Variants in TMEM223 observed in about 807,000 individuals in gnomAD.
TMEM223 encodes the protein transmembrane protein 223.
TMEM223 carries 14 observed loss-of-function variants against 14.1 expected under a neutral mutation model. The ratio of observed to expected loss-of-function variants is 0.99; its 90% CI spans 0.66 to 1.55. The LOEUF is 1.55. TMEM223 is among the 40% of genes most tolerant of loss of function. The probability of loss-of-function intolerance (pLI) is 0.00; values close to 1 mark genes in which losing one functional copy is unlikely to be tolerated. For synonymous variants in TMEM223, 145 were observed against 120.5 expected (o/e 1.20, Z -1.33); for missense variants, 346 against 269.9 (o/e 1.28, Z -1.97).
chr11:62,781,937 T>A, intron 1 of TMEM223: 1 of 1,614,176 alleles, frequency 6.2e-7, no homozygotes, highest in Non-Finnish European at 8.5e-7. Flanking sequence ...ATTGGGGCAC[T>A]CCTGCCTTAC....
At chr11:62,786,461 T>C, downstream of TMEM223, 2 of 1,594,486 alleles carry the variant, frequency 1.3e-6, no homozygotes, top group Non-Finnish European at 1.7e-6. Context: ...TTTGGAATAT[T>C]TGATGGGCCC....
At chr11:62,783,976 G>A (rs1206129568), downstream of TMEM223, among the ~76,000 whole-genome samples, 5 of 136,938 alleles carry the variant, frequency 3.7e-5, no homozygotes, top group Admixed American at 3.7e-4. Context: ...ATGGAATCTT[G>A]CCAAGATGGC....
At chr11:62,787,480 G>C (rs753977198), downstream of TMEM223, 7 of 1,578,288 alleles carry the variant, frequency 4.4e-6, no homozygotes, top group Non-Finnish European at 6.0e-6. Flanking sequence ...CTTTGCTGCC[G>C]CCTTCCTGTG....
rs2084362921 is a variant in TMEM223, at chr11:62,791,698, G to A, written c.297C>T (p.Ala99=). Residue 99 remains alanine (A), a synonymous_variant, in exon 1 of 2, where the codon GCC becomes GCT. Transcript: ENST00000307366. ...TCTTACCGATGGCGCCGCAGCCGAC[G>A]GCCAGACCGTAGCGCCAGAGCGCGG... The part of the protein sequence containing the change: ...LRSALWRYGL[A]VGCGAIGALV... 2 of 1,543,542 alleles carry A rather than the reference G, an allele frequency of 1.3e-6. No homozygotes were observed. Among genetic ancestry groups the A allele is most frequent in the Non-Finnish European group, 1.7e-6 (2 of 1,144,076 alleles).
At position 62,790,190 on chromosome 11, in the gene TMEM223, C is replaced by T. The variant is rs1399960632; in HGVS notation, c.*433G>A. 1.1e-6 allele frequency: 1 copy of T among 873,136 alleles called. No homozygotes were observed. Among genetic ancestry groups the T allele is most frequent in the South Asian group, 1.9e-5 (1 of 52,316 alleles). The allele number at this position is 873,136 out of a possible 1,614,324, so 54.1% of individuals were successfully genotyped here. On this transcript the variant is annotated 3_prime_UTR_variant, in exon 2 of 2. Coordinates refer to ENST00000307366, the MANE Select transcript of TMEM223 (RefSeq NM_001080501.3). The stretch of plus-strand genomic sequence containing the variant: ...GGGAAACATAATGACAGGCCCCCCT[C>T]CACCTCTTCCTGCAGCTGTTTTTGT...
At chr11:62,787,628 CG>C (rs202016890), downstream of TMEM223, 2,021 of 1,384,444 alleles carry the variant, frequency 1.5e-3, 43 homozygotes, top group Admixed American at 0.051. Flanking sequence ...TGCTCGGAGC[CG>C]GTGGACCTGG....
chr11:62,773,241 G>A lies in TMEM223; in HGVS notation c.386-1109C>T, dbSNP rs545741596. Among the ~76,000 whole-genome samples the A allele has an allele frequency of 5.9e-5, 9 of 151,726 alleles. No individual in the cohort carries two copies. The East Asian group carries it at 1.7e-3, about 29-fold the overall frequency. ...TGGCTCACTACAACCTCCACCTCCC[G>A]GGTTCAAGCAATTCTCCTGCCTCAG... On this transcript the variant is annotated intron_variant, in intron 2 of 2. Coordinates refer to the TMEM223 transcript ENST00000528367.
At chr11:62,782,674 C>T, downstream of TMEM223, 1 of 1,609,996 alleles carries the variant, frequency 6.2e-7, no homozygotes, top group East Asian at 2.2e-5. Flanking sequence ...CCCTCCCTAA[C>T]TGAATGGTGC....
chr11:62,791,703 G>A lies in TMEM223; in HGVS notation c.292C>T (p.Leu98=), dbSNP rs1426443523. ...CCGATGGCGCCGCAGCCGACGGCCAGACCGTAGCGCCAGAGCGCGGAGCGC... is the reference window on the plus strand; with the variant it reads ...CCGATGGCGCCGCAGCCGACGGCCAAACCGTAGCGCCAGAGCGCGGAGCGC... ...DLRSALWRYG[L]AVGCGAIGAL... Residue 98 remains leucine, a synonymous_variant, in exon 1 of 2, where the codon CTG becomes TTG. Coordinates refer to ENST00000307366, the MANE Select transcript of TMEM223 (RefSeq NM_001080501.3). 6.5e-7 allele frequency: 1 copy of A among 1,546,906 alleles called. No individual in the cohort carries two copies.
intron 1 of TMEM223, chr11:62,778,046 T>A: frequency 6.2e-7 from 1 of 1,614,110 alleles, no homozygotes; most frequent in South Asian, 1.1e-5. Flanking sequence ...AACTCTACTT[T>A]CCTGAGGATC....
At chr11:62,782,769 C>T (rs1436716348), downstream of TMEM223, 2 of 1,613,308 alleles carry the variant, frequency 1.2e-6, no homozygotes, top group Non-Finnish European at 1.7e-6. Flanking sequence ...AGATCCTGTG[C>T]GGCCGCTCTG....
At position 62,790,912 on chromosome 11, in the gene TMEM223, G is replaced by A. The variant is rs1014663962; in HGVS notation, c.320C>T (p.Ala107Val). 5 of 1,569,652 alleles carry A rather than the reference G, an allele frequency of 3.2e-6. No homozygotes were observed. The Admixed American group carries it at 5.5e-5, about 17-fold the overall frequency. Residue 107 changes from alanine (A) to valine (V), a missense_variant, in exon 2 of 2, where the codon GCC (alanine) becomes GTC (valine). Coordinates refer to ENST00000307366, the MANE Select transcript of TMEM223 (RefSeq NM_001080501.3). The stretch of plus-strand genomic sequence containing the variant: ...GAGAAGACCAGCACCGAGTACGAGG[G>A]CTCCTGCAGGCAGGGCAGAGATTGG... ...GLAVGCGAIG[A>V]LVLGAGLLFS...
At chr11:62,788,778 G>A (rs1445745690), downstream of TMEM223, among the ~76,000 whole-genome samples, 4 of 151,866 alleles carry the variant, frequency 2.6e-5, no homozygotes, top group Non-Finnish European at 5.9e-5. Flanking sequence ...TAACTTGTGA[G>A]GCTTCTCTGA....
chr11:62,772,355 C>T (rs1162590186), intron 2 of TMEM223, among the ~76,000 whole-genome samples: 2 of 151,816 alleles, frequency 1.3e-5, no homozygotes, highest in Admixed American at 1.3e-4. Flanking sequence ...AACCTCGTCT[C>T]TACTAAAAAT....
downstream of TMEM223, chr11:62,789,548 G>A: frequency 6.4e-7 from 1 of 1,563,938 alleles, no homozygotes; most frequent in Non-Finnish European, 8.7e-7. Context: ...GCACAGGTGT[G>A]CCTCGGATAT....
intron 1 of TMEM223, chr11:62,782,425 T>C: frequency 7.3e-7 from 1 of 1,377,416 alleles, no homozygotes; most frequent in Admixed American, 2.1e-5. Context: ...GCTTTGAGAG[T>C]CTATGAGAAG....
At chr11:62,771,871 A>G (rs1239736451) in exon 3 of TMEM223, 6 of 307,756 alleles carry the variant, frequency 1.9e-5, no homozygotes, top group South Asian at 2.6e-5. Flanking sequence ...AAATGCTCCC[A>G]TTTTACAGAT....
rs745578842 is a variant in TMEM223, at chr11:62,791,900, C to G, written c.95G>C (p.Arg32Pro). 2 of 1,600,496 alleles carry G rather than the reference C, an allele frequency of 1.2e-6. No individual in the cohort carries two copies. Among genetic ancestry groups the G allele is most frequent in the Admixed American group, 3.4e-5 (2 of 57,992 alleles). ...ATCATGCTCAAAGAGCAGCACATCC[C>G]GTTGCAGCGTCGTGCCTTGCAGGGG... ...CRPLQGTTLQ[R>P]DVLLFEHDRG... The change falls in exon 1 of 2, where the codon CGG becomes CCG. Residue 32 changes from arginine to proline, a missense_variant. Transcript: ENST00000307366.
intron 2 of TMEM223, among the ~76,000 whole-genome samples, chr11:62,773,938 A>G (rs992640435): frequency 2.0e-5 from 3 of 152,148 alleles, no homozygotes; most frequent in Non-Finnish European, 4.4e-5. Context: ...AAGGTCCTAA[A>G]ATAGGTGTAT....
Sources: gnomAD v4.1 joint callset for allele counts (sites outside exome capture counted in the v4.1 genomes callset) on GRCh38, gnomAD v4.1.1 for gene constraint, MANE v1.5 for transcripts, NCBI Gene and HGNC (gene_info 2026-07-23, HGNC 2026-07-21) for gene names.